MNS1: variants seen among roughly 807,000 people sequenced by gnomAD.
MNS1 encodes meiosis specific nuclear structural 1.
A neutral mutation model predicts 72.0 loss-of-function variants in MNS1; 63 were observed. That is an observed-to-expected ratio of 0.87 (90% CI 0.71 to 1.08). The LOEUF (loss-of-function observed/expected upper bound fraction) is 1.08, where lower values mean the gene tolerates loss of function less well. Ranked by LOEUF, MNS1 falls within the 50% of genes least tolerant of loss-of-function variation. MNS1 has a pLI of 0.00. For synonymous variants in MNS1, 188 were observed against 172.1 expected (o/e 1.09, Z -0.72); for missense variants, 604 against 562.4 (o/e 1.07, Z -0.75).
chr15:56,435,639 T>G (rs1235480230), intron 7 of MNS1, among the ~76,000 whole-genome samples: 2 of 152,032 alleles, frequency 1.3e-5, no homozygotes, highest in Admixed American at 6.6e-5. Context: ...TAAGGTAATC[T>G]GAATAGTCCT....
chr15:56,453,120 T>C (rs188942029), intron 3 of MNS1, among the ~76,000 whole-genome samples: 1 of 152,364 alleles, frequency 6.6e-6, no homozygotes, highest in East Asian at 1.9e-4. Context: ...TTCATTATTA[T>C]TTGACAATGC....
At chr15:56,457,175 A>G (rs2050986913) in intron 2 of MNS1, among the ~76,000 whole-genome samples, 1 of 152,208 alleles carries the variant, frequency 6.6e-6, no homozygotes, top group Admixed American at 6.5e-5. Flanking sequence ...TATAGAAATT[A>G]GGACATACAT....
intron 3 of MNS1, chr15:56,447,696 G>A (rs1159778041): frequency 1.3e-5 from 2 of 151,942 alleles, no homozygotes; most frequent in East Asian, 1.9e-4. Context: ...ATGTTTAAAG[G>A]ATACAGTTTG....
intron 2 of MNS1, 43 bp downstream of exon 2, chr15:56,463,983 G>C (rs770831651): frequency 3.4e-6 from 5 of 1,492,422 alleles, no homozygotes; most frequent in Non-Finnish European, 4.6e-6. Context: ...CGTTTCCAAG[G>C]TGCAAAATGA....
intron 2 of MNS1, among the ~76,000 whole-genome samples, chr15:56,457,729 C>G (rs145235550): frequency 3.1e-3 from 474 of 151,654 alleles, no homozygotes; most frequent in Middle Eastern, 0.01. Flanking sequence ...GTAGGAGGAC[C>G]GCCGGAGACC....
rs1485978219 is a variant in MNS1 at position 56,444,693 on chromosome 15, G to C, written c.457-20C>G. 6.3e-7 allele frequency: 1 copy of C among 1,585,716 alleles called. No individual in the cohort carries two copies. Among genetic ancestry groups the C allele is most frequent in the Non-Finnish European group, 8.6e-7 (1 of 1,158,968 alleles). On this transcript the variant is annotated intron_variant, in intron 4 of 9. Coordinates refer to ENST00000260453, the MANE Select transcript of MNS1 (RefSeq NM_018365.4). ...ACGTTTCTGTTATTAAAACAAAATT[G>C]ATCTTTCCGTTTTCAAATTTGAACA...
At chr15:56,455,265 A>AAAAAAC (rs1567153805) in intron 3 of MNS1, among the ~76,000 whole-genome samples, 1 of 143,596 alleles carries the variant, frequency 7.0e-6, no homozygotes, top group Non-Finnish European at 1.5e-5. Context: ...AAAAAAAAAA[A>AAAAAAC]AAAAAACCAT....
rs1490788169 is a variant in MNS1, at chr15:56,434,292, T to C, written c.1115A>G (p.Glu372Gly). 1 of 1,614,000 alleles carries C rather than the reference T, an allele frequency of 6.2e-7. No individual in the cohort carries two copies. Among genetic ancestry groups the C allele is most frequent in the South Asian group, 1.1e-5 (1 of 91,074 alleles). ...ELVLQAAKEE[E>G]ENFRKTMLAK... ...TAGCATAGTTTTTCTAAAGTTCTCCTCTTCCTCTTTTGCAGCCTGTAGCAC... is the reference window on the plus strand; with the variant it reads ...TAGCATAGTTTTTCTAAAGTTCTCCCCTTCCTCTTTTGCAGCCTGTAGCAC... The change falls in exon 8 of 10, where the codon GAG becomes GGG. Residue 372 changes from glutamate to glycine, a missense_variant. Glu to Gly is a moderately conservative substitution (Grantham distance 98). Coordinates refer to ENST00000260453, the MANE Select transcript of MNS1 (RefSeq NM_018365.4).
rs576538398 is a variant in MNS1 at position 56,444,360 on chromosome 15, C to T, written c.686+84G>A. On this transcript the variant is annotated intron_variant, in intron 5 of 9. Coordinates refer to ENST00000260453, the MANE Select transcript of MNS1 (RefSeq NM_018365.4). ...CACTTACTATGTATTAGGCACTGTT[C>T]TAGGTGCTTCAGTTCCTCACAACAA... The T allele has an allele frequency of 2.1e-5, 25 of 1,166,278 alleles. No homozygotes were observed. The East Asian group carries it at 4.2e-4, about 20-fold the overall frequency. 72.2% of individuals were successfully genotyped at this position (1,166,278 alleles called of 1,614,324 possible). A position where few individuals can be genotyped will look rare whatever the true frequency, so the allele number is the denominator to read the frequency against.
At position 56,431,382 on chromosome 15, in the gene MNS1, A is replaced by C; in HGVS notation, c.1386T>G (p.Tyr462Ter). The change falls in exon 9 of 10, where the codon TAT (tyrosine) becomes TAG (stop). Residue 462 changes from tyrosine (Y) to a stop codon, truncating the protein, a stop_gained. Transcript: ENST00000260453. LOFTEE classifies it high-confidence loss of function. ...GATAAATCTCACTTACTTTAGGGAG[A>C]TAGCCTAGTAAGTTTGTAGCATGCT... is the stretch of plus-strand genomic sequence containing the variant. ...LKEHATNLLG[Y>*]LPKGVFKKED... 1.9e-6 allele frequency: 3 copies of C among 1,611,556 alleles called. No individual in the cohort carries two copies. Among genetic ancestry groups the C allele is most frequent in the Non-Finnish European group, 2.5e-6 (3 of 1,179,136 alleles).
intron 8 of MNS1, among the ~76,000 whole-genome samples, chr15:56,433,221 A>T (rs1255794355): frequency 7.5e-6 from 1 of 133,744 alleles, no homozygotes; most frequent in Non-Finnish European, 1.6e-5. Flanking sequence ...ACATGGACAC[A>T]GGGAGAGGAA....
chr15:56,436,135 C>T (rs1163376021), intron 7 of MNS1, among the ~76,000 whole-genome samples: 2 of 152,092 alleles, frequency 1.3e-5, no homozygotes, highest in Non-Finnish European at 2.9e-5. Flanking sequence ...CTCTCCAGCC[C>T]AAATCAACAG....
intron 7 of MNS1, among the ~76,000 whole-genome samples, chr15:56,437,739 CCTT>C (rs1469133919): frequency 2.0e-5 from 3 of 152,148 alleles, no homozygotes; most frequent in Non-Finnish European, 4.4e-5. Flanking sequence ...CCCCAAATCT[CCTT>C]AAGCTGATAA....
At chr15:56,462,704 G>A (rs1392075353) in intron 2 of MNS1, among the ~76,000 whole-genome samples, 2 of 152,170 alleles carry the variant, frequency 1.3e-5, no homozygotes, top group Non-Finnish European at 2.9e-5. Flanking sequence ...CCGTATGAAT[G>A]TTCCTTGGAT....
chr15:56,429,409 C>G (rs1409900991), intron 9 of MNS1: 8 of 421,602 alleles, frequency 1.9e-5, no homozygotes, highest in Non-Finnish European at 2.1e-5. Flanking sequence ...TCTGATTTAT[C>G]AGCTCTAGTG....
chr15:56,429,008 G>T lies in MNS1; in HGVS notation c.*93C>A. The T allele has an allele frequency of 4.6e-6, 3 of 645,950 alleles. No homozygotes were observed. The highest frequency in any genetic ancestry group is 2.4e-5 in the South Asian group (1 of 41,946). 40.0% of individuals were successfully genotyped at this position (645,950 alleles called of 1,614,324 possible). On this transcript the variant is annotated 3_prime_UTR_variant, in exon 10 of 10. Coordinates refer to ENST00000260453, the MANE Select transcript of MNS1 (RefSeq NM_018365.4). Reference sequence around the variant, plus strand: ...ATTTACAAAATCCAAACAGACAATGGATACCTAATGCCACTGAACTGTAAA... The same window carrying T: ...ATTTACAAAATCCAAACAGACAATGTATACCTAATGCCACTGAACTGTAAA...
intron 3 of MNS1, among the ~76,000 whole-genome samples, chr15:56,448,846 C>G (rs1365076440): frequency 1.3e-5 from 2 of 151,192 alleles, no homozygotes; most frequent in African/African-American, 4.9e-5. Context: ...CTCCGCCACC[C>G]AGGTTCACGC....
chr15:56,434,435 C>T, intron 7 of MNS1, 40 bp from the exon 8 acceptor site: 2 of 1,557,532 alleles, frequency 1.3e-6, no homozygotes, highest in Non-Finnish European at 1.7e-6. Context: ...TAACTATTTC[C>T]TTACACCAGA....
intron 7 of MNS1, among the ~76,000 whole-genome samples, chr15:56,435,806 C>T (rs1315519116): frequency 6.6e-6 from 1 of 151,852 alleles, no homozygotes; most frequent in African/African-American, 2.4e-5. Flanking sequence ...GAAACATATC[C>T]CCATTCATTT....
Sources: gnomAD v4.1 joint callset for allele counts (sites outside exome capture counted in the v4.1 genomes callset) on GRCh38, gnomAD v4.1.1 for gene constraint, MANE v1.5 for transcripts, NCBI Gene and HGNC (gene_info 2026-07-23, HGNC 2026-07-21) for gene names.